SLIT2: variants seen among roughly 807,000 people sequenced by gnomAD.
SLIT2 encodes slit homolog 2 protein.
SLIT2 carries 41 observed loss-of-function variants against 185.7 expected under a neutral mutation model. That is an observed-to-expected ratio of 0.22 (90% confidence interval 0.17 to 0.29). The LOEUF is 0.29. Among genes scored for constraint, SLIT2 ranks in the 10% least tolerant of loss-of-function variants. SLIT2 has a pLI of 1.00. For synonymous variants in SLIT2, 693 were observed against 680.2 expected (o/e 1.02, Z -0.29); for missense variants, 1,571 against 1,909.0 (o/e 0.82, Z 3.30).
At chr4:20,319,142 A>T (rs1718837873) in intron 4 of SLIT2, among the ~76,000 whole-genome samples, 1 of 152,168 alleles carries the variant, frequency 6.6e-6, no homozygotes, top group Admixed American at 6.6e-5. Flanking sequence ...TTTTACATTT[A>T]TTGAGTGCCA....
intron 4 of SLIT2, among the ~76,000 whole-genome samples, chr4:20,292,744 TTGTC>T (rs1188332043): frequency 3.3e-5 from 5 of 152,236 alleles, no homozygotes; most frequent in African/African-American, 7.2e-5. Context: ...GCTAATGTAT[TTGTC>T]TGTTTTTTGA....
In SLIT2 at chr4:20,596,526, A is replaced by G; in HGVS notation, c.3432A>G (p.Ile1144Met). 1 of 1,614,124 alleles carries G rather than the reference A, an allele frequency of 6.2e-7. No individual in the cohort carries two copies. Among genetic ancestry groups the G allele is most frequent in the African/African-American group, 1.3e-5 (1 of 75,044 alleles). Residue 1144 changes from isoleucine (I) to methionine (M), a missense_variant, in exon 32 of 37, where the codon ATA becomes ATG. Physicochemically the swap from Ile to Met is conservative, Grantham distance 10 (BLOSUM62 1). Transcript: ENST00000504154. ...GTATCGTCAGAATAAATGAGCCAATATGTCAGTGTTTGCCTGGCTATCAGG... is the reference window on the plus strand; with the variant it reads ...GTATCGTCAGAATAAATGAGCCAATGTGTCAGTGTTTGCCTGGCTATCAGG... ...AQCIVRINEPICQCLPGYQGE... is the reference protein window; with the variant it reads ...AQCIVRINEPMCQCLPGYQGE...
chr4:20,523,169 A>G (rs1007583190), intron 12 of SLIT2, among the ~76,000 whole-genome samples: 4 of 152,120 alleles, frequency 2.6e-5, no homozygotes, highest in Non-Finnish European at 5.9e-5. Context: ...AAGAAAGGCA[A>G]GGAGATCAGT....
chr4:20,306,984 TTC>T (rs1265658193), intron 4 of SLIT2, among the ~76,000 whole-genome samples: 2 of 152,062 alleles, frequency 1.3e-5, no homozygotes, highest in Non-Finnish European at 2.9e-5. Flanking sequence ...AGAAATTCAT[TTC>T]TCTGATATAC....
intron 4 of SLIT2, among the ~76,000 whole-genome samples, chr4:20,380,561 G>A (rs1213526925): frequency 6.6e-6 from 1 of 152,054 alleles, no homozygotes; most frequent in Non-Finnish European, 1.5e-5. Context: ...ACATGAGCTT[G>A]ATGAGGAGAA....
At chr4:20,261,588 T>C (rs1463812610) in intron 3 of SLIT2, among the ~76,000 whole-genome samples, 1 of 151,868 alleles carries the variant, frequency 6.6e-6, no homozygotes, top group East Asian at 1.9e-4. Context: ...ACCCAGATCA[T>C]GTCAGGGTTC....
intron 4 of SLIT2, among the ~76,000 whole-genome samples, chr4:20,324,999 A>G (rs1719437684): frequency 6.6e-6 from 1 of 152,110 alleles, no homozygotes. Context: ...AAGAAAAGCC[A>G]TAGGAAGTCA....
chr4:20,601,356 T>C (rs1159780224), intron 33 of SLIT2, among the ~76,000 whole-genome samples: 1 of 152,178 alleles, frequency 6.6e-6, no homozygotes, highest in African/African-American at 2.4e-5. Context: ...ACGGTAAGAA[T>C]TGTACGACAT....
chr4:20,330,176 G>T (rs961411600), intron 4 of SLIT2, among the ~76,000 whole-genome samples: 2 of 151,902 alleles, frequency 1.3e-5, no homozygotes, highest in Admixed American at 6.6e-5. Flanking sequence ...TTATTCTGTG[G>T]TTTTTTTTCT....
chr4:20,365,166 G>C (rs776969803), intron 4 of SLIT2, among the ~76,000 whole-genome samples: 3 of 152,110 alleles, frequency 2.0e-5, no homozygotes, highest in Non-Finnish European at 4.4e-5. Flanking sequence ...ACATAAAAGT[G>C]TTTAACTGCT....
At chr4:20,278,142 T>A (rs1334356482) in intron 4 of SLIT2, among the ~76,000 whole-genome samples, 3 of 152,284 alleles carry the variant, frequency 2.0e-5, no homozygotes, top group Admixed American at 2.0e-4. Flanking sequence ...TTTCTTAATT[T>A]TTCCAGAAAT....
chr4:20,398,868 T>C (rs1289979374), intron 4 of SLIT2, among the ~76,000 whole-genome samples: 1 of 151,826 alleles, frequency 6.6e-6, no homozygotes, highest in East Asian at 1.9e-4. Context: ...ATAATGTCTA[T>C]CCTTTCGACA....
chr4:20,425,904 A>G (rs1462167068), intron 4 of SLIT2, among the ~76,000 whole-genome samples: 3 of 152,090 alleles, frequency 2.0e-5, no homozygotes, highest in Non-Finnish European at 4.4e-5. Flanking sequence ...TCTCCCTCCT[A>G]TGCCAATCCT....
chr4:20,590,371 A>G (rs1025655459), intron 30 of SLIT2, among the ~76,000 whole-genome samples: 1 of 152,146 alleles, frequency 6.6e-6, no homozygotes, highest in Non-Finnish European at 1.5e-5. Context: ...TATGTGCTTC[A>G]TTGTCTGAAG....
intron 5 of SLIT2, among the ~76,000 whole-genome samples, chr4:20,469,970 G>C (rs1714796038): frequency 6.6e-6 from 1 of 151,792 alleles, no homozygotes; most frequent in Non-Finnish European, 1.5e-5. Flanking sequence ...GGTCAGGCTG[G>C]TCTCGAACTC....
At chr4:20,425,164 A>G (rs1728453830) in intron 4 of SLIT2, among the ~76,000 whole-genome samples, 1 of 152,184 alleles carries the variant, frequency 6.6e-6, no homozygotes. Context: ...CTTTGTGGAT[A>G]CAGGCAAACC....
intron 4 of SLIT2, among the ~76,000 whole-genome samples, chr4:20,300,918 A>C (rs1355779579): frequency 6.6e-6 from 1 of 152,138 alleles, no homozygotes; most frequent in Non-Finnish European, 1.5e-5. Context: ...TTTGAAAAAA[A>C]AATGGATATG....
At chr4:20,337,001 C>CA (rs952449848) in intron 4 of SLIT2, among the ~76,000 whole-genome samples, 3 of 152,154 alleles carry the variant, frequency 2.0e-5, no homozygotes, top group Admixed American at 2.0e-4. Context: ...TTCAGGGGTC[C>CA]AATTGCTTCC....
Position 20,573,271 on chromosome 4 carries a change from T to G in SLIT2, c.3088+4267T>G, listed in dbSNP as rs1032649239. 4 of 702,974 alleles carry G rather than the reference T, an allele frequency of 5.7e-6. No individual in the cohort carries two copies. In the Admixed American group the frequency reaches 6.0e-5, roughly 11 times the overall value. 43.5% of individuals were successfully genotyped at this position (702,974 alleles called of 1,614,324 possible). A position where few individuals can be genotyped will look rare whatever the true frequency, so the allele number is the denominator to read the frequency against. ...ATGAGGTGGAAAAAGGTTAGTTGCC[T>G]TTTAAGTCTATTATGATTTTCATTT... On this transcript the variant is annotated intron_variant, in intron 29 of 36. Transcript: ENST00000504154.
Sources: allele counts gnomAD v4.1 joint callset (sites outside exome capture counted in the v4.1 genomes callset), GRCh38; gene constraint gnomAD v4.1.1; transcripts MANE v1.5; gene names NCBI Gene and HGNC (gene_info 2026-07-23, HGNC 2026-07-21).